KL: variants seen among roughly 807,000 people sequenced by gnomAD.
KL encodes klotho, also known as alpha-klotho.
In KL, 62 loss-of-function variants were observed where a neutral mutation model predicts 84.2. That is an observed-to-expected ratio of 0.74 (90% CI 0.60 to 0.91). The LOEUF is 0.91. KL is among the 40% of genes least tolerant of loss of function. The pLI is 0.00. For synonymous variants in KL, 528 were observed against 528.0 expected, an observed-to-expected ratio of 1.00 and a Z score of 0.00; for missense variants, 1,261 against 1,305.7, an observed-to-expected ratio of 0.97 and a Z score of 0.53.
chr13:33,026,318 A>G (rs1280931712), intron 1 of KL, among the ~76,000 whole-genome samples: 1 of 152,182 alleles, frequency 6.6e-6, no homozygotes, highest in Non-Finnish European at 1.5e-5. Context: ...TCAATTCTCC[A>G]AATTGGGGGC....
chr13:33,055,688 T>C (rs1310393904), intron 3 of KL, among the ~76,000 whole-genome samples: 1 of 152,196 alleles, frequency 6.6e-6, no homozygotes, highest in Non-Finnish European at 1.5e-5. Context: ...GTTTCAGTGG[T>C]GCTGCTGAGA....
chr13:33,016,580 G>T lies in KL; in HGVS notation c.140G>T (p.Arg47Leu), dbSNP rs201936594. ...DGAQTWARFS[R>L]PPAPEAAGLF... Reference sequence around the variant, plus strand: ...GCGCAGACCTGGGCCCGTTTCTCGCGGCCTCCTGCCCCCGAGGCCGCGGGC... The same window carrying T: ...GCGCAGACCTGGGCCCGTTTCTCGCTGCCTCCTGCCCCCGAGGCCGCGGGC... The change falls in exon 1 of 5, where the codon CGG becomes CTG. Residue 47 changes from arginine to leucine, a missense_variant. Coordinates refer to ENST00000380099, the MANE Select transcript of KL (RefSeq NM_004795.4). 6.7e-7 allele frequency: 1 copy of T among 1,483,646 alleles called. No individual in the cohort carries two copies. The highest frequency in any genetic ancestry group is 2.6e-5 in the East Asian group (1 of 38,462). The allele number at this position is 1,483,646 out of a possible 1,614,324, so 91.9% of individuals were successfully genotyped here.
At position 33,016,519 on chromosome 13, in the gene KL, G is replaced by C; in HGVS notation, c.79G>C (p.Gly27Arg). The change falls in exon 1 of 5, where the codon GGC (glycine) becomes CGC (arginine). Residue 27 changes from glycine to arginine, a missense_variant. Gly to Arg is a moderately radical substitution (Grantham distance 125, BLOSUM62 -2). Transcript: ENST00000380099. Reference protein sequence around the residue: ...LSLLLVLLGLGGRRLRAEPGD... With the variant: ...LSLLLVLLGLRGRRLRAEPGD... ...GCTGCTGCTGGTGCTGCTGGGCCTG[G>C]GCGGCCGCCGCCTGCGTGCGGAGCC... 7.5e-7 allele frequency: 1 copy of C among 1,330,690 alleles called. No homozygotes were observed. Among genetic ancestry groups the C allele is most frequent in the South Asian group, 2.0e-5 (1 of 49,774 alleles). 82.4% of individuals were successfully genotyped at this position (1,330,690 alleles called of 1,614,324 possible).
chr13:33,026,390 G>C (rs1308959593), intron 1 of KL, among the ~76,000 whole-genome samples: 1 of 151,906 alleles, frequency 6.6e-6, no homozygotes, highest in Non-Finnish European at 1.5e-5. Flanking sequence ...AGTAATTCCA[G>C]AAAATTTCCT....
In KL at chr13:33,064,152, A is replaced by G; in HGVS notation, c.3005A>G (p.Tyr1002Cys). 6.2e-7 allele frequency: 1 copy of G among 1,611,332 alleles called. No homozygotes were observed. Among genetic ancestry groups the G allele is most frequent in the South Asian group, 1.1e-5 (1 of 90,488 alleles). Residue 1002 changes from tyrosine (Y) to cysteine (C), a missense_variant, in exon 5 of 5, where the codon TAC (tyrosine) becomes TGC (cysteine). Transcript: ENST00000380099. ...ATTATTTCTCTCTCCCTTATATTTTACTACTCGAAGAAAGGCAGAAGAAGT... is the reference window on the plus strand; with the variant it reads ...ATTATTTCTCTCTCCCTTATATTTTGCTACTCGAAGAAAGGCAGAAGAAGT... ...ASIISLSLIFYYSKKGRRSYK is the reference protein window; with the variant it reads ...ASIISLSLIFCYSKKGRRSYK
chr13:33,053,858 A>G lies in KL; in HGVS notation c.911A>G (p.Asn304Ser), dbSNP rs745640577. Residue 304 changes from asparagine (N) to serine (S), a missense_variant, in exon 2 of 5, where the codon AAT becomes AGT. By Grantham distance (46) the Asn-to-Ser change is conservative (BLOSUM62 1). Coordinates refer to ENST00000380099, the MANE Select transcript of KL (RefSeq NM_004795.4). ...VSIALSSHWI[N>S]PRRMTDHSIK... ...ATTGCCCTAAGCTCTCACTGGATCA[A>G]TCCTCGAAGAATGACCGACCACAGC... is the stretch of plus-strand genomic sequence containing the variant. The G allele has an allele frequency of 1.1e-4, 184 of 1,614,204 alleles. No individual in the cohort carries two copies. In the East Asian group the frequency reaches 2.5e-3, roughly 22 times the overall value.
chr13:33,056,171 A>G (rs1349818301), intron 3 of KL, among the ~76,000 whole-genome samples: 3 of 152,194 alleles, frequency 2.0e-5, no homozygotes, highest in Non-Finnish European at 1.5e-5. Context: ...GGTAAGTAAC[A>G]AGGGCGGGGC....
intron 1 of KL, among the ~76,000 whole-genome samples, chr13:33,017,561 G>A (rs1870417463): frequency 6.6e-6 from 1 of 152,196 alleles, no homozygotes; most frequent in Admixed American, 6.5e-5. Context: ...AATTCCTAGA[G>A]GTGAGGGCGG....
At chr13:33,063,251 AG>A (rs1872277009) in intron 4 of KL, among the ~76,000 whole-genome samples, 1 of 151,284 alleles carries the variant, frequency 6.6e-6, no homozygotes, top group Non-Finnish European at 1.5e-5. Context: ...TCATGGAAAA[AG>A]GAAAAAAAAA....
At chr13:33,044,062 G>T (rs1387209659) in intron 1 of KL, among the ~76,000 whole-genome samples, 2 of 152,054 alleles carry the variant, frequency 1.3e-5, no homozygotes, top group Admixed American at 6.6e-5. Flanking sequence ...CACTTTTCCA[G>T]TTGTCAAGGA....
chr13:33,050,380 C>T (rs1180378877), intron 1 of KL, among the ~76,000 whole-genome samples: 1 of 152,214 alleles, frequency 6.6e-6, no homozygotes, highest in Non-Finnish European at 1.5e-5. Context: ...TTCCCACACT[C>T]TGCCTCATAA....
At chr13:33,025,996 A>G (rs572532379) in intron 1 of KL, among the ~76,000 whole-genome samples, 2 of 152,320 alleles carry the variant, frequency 1.3e-5, no homozygotes, top group African/African-American at 4.8e-5. Context: ...TGTTAAGGTA[A>G]TCCGTTAGAG....
rs562799774 is a variant in KL at position 33,064,733 on chromosome 13, G to A, written c.*547G>A. ...CTAGGCTGGAATGTTCCTTTCGAAA[G>A]CAATGCTTCTATCAAATACTAGTAT... On this transcript the variant is annotated 3_prime_UTR_variant, in exon 5 of 5. Coordinates refer to ENST00000380099, the MANE Select transcript of KL (RefSeq NM_004795.4). 26 of 224,304 alleles carry A rather than the reference G, an allele frequency of 1.2e-4. No individual in the cohort carries two copies. The highest frequency in any genetic ancestry group is 1.4e-3 in the Middle Eastern group (1 of 718). 13.9% of individuals were successfully genotyped at this position (224,304 alleles called of 1,614,324 possible).
At position 33,024,585 on chromosome 13, in the gene KL, A is replaced by C. The variant is rs568835390; in HGVS notation, c.819+7326A>C. Reference sequence around the variant, plus strand: ...TGTAGGGCTCTTTTCGTGAGGGTCCAGAGGACGGCTGCAAAGCTGCAGGGG... The same window carrying C: ...TGTAGGGCTCTTTTCGTGAGGGTCCCGAGGACGGCTGCAAAGCTGCAGGGG... On this transcript the variant is annotated intron_variant, in intron 1 of 4. Transcript: ENST00000380099. Among the ~76,000 whole-genome samples, 4 of 152,318 alleles carry C rather than the reference A, an allele frequency of 2.6e-5. No individual in the cohort carries two copies. In the East Asian group the frequency reaches 7.7e-4, roughly 29 times the overall value.
At chr13:33,022,551 GA>G (rs1223344084) in intron 1 of KL, among the ~76,000 whole-genome samples, 1 of 152,194 alleles carries the variant, frequency 6.6e-6, no homozygotes, top group East Asian at 1.9e-4. Flanking sequence ...CAGATAAGCA[GA>G]ATGTGACTTT....
Position 33,017,166 on chromosome 13 carries a change from G to A in KL, c.726G>A (p.Val242=). 1 of 1,600,826 alleles carries A rather than the reference G, an allele frequency of 6.2e-7. No individual in the cohort carries two copies. Among genetic ancestry groups the A allele is most frequent in the Non-Finnish European group, 8.5e-7 (1 of 1,179,748 alleles). The change falls in exon 1 of 5, where the codon GTG becomes GTA. Residue 242 remains valine (V), a synonymous_variant. Coordinates refer to ENST00000380099, the MANE Select transcript of KL (RefSeq NM_004795.4). ...GGATCACCATCGACAACCCCTACGT[G>A]GTGGCCTGGCACGGCTACGCCACCG... ...KYWITIDNPY[V]VAWHGYATGR...
At chr13:33,028,383 CA>C (rs1555333650) in intron 1 of KL, among the ~76,000 whole-genome samples, 1 of 152,130 alleles carries the variant, frequency 6.6e-6, no homozygotes, top group Non-Finnish European at 1.5e-5. Context: ...TCATGAGAGT[CA>C]AAGTCCCAAA....
Position 33,065,641 on chromosome 13 carries a change from A to G in KL, c.*1455A>G, listed in dbSNP as rs77174048. ...TTTGGTAATATTCATTTTAAAGTGG[A>G]CTTATTAAAATTGGATGCTAGAGAA... is the stretch of plus-strand genomic sequence containing the variant. On this transcript the variant is annotated 3_prime_UTR_variant, in exon 5 of 5. Coordinates refer to ENST00000380099, the MANE Select transcript of KL (RefSeq NM_004795.4). The G allele has an allele frequency of 0.01, 1,852 of 179,490 alleles. 39 individuals carry two copies. The highest frequency in any genetic ancestry group is 0.04 in the African/African-American group (1,693 of 42,432). 11.1% of individuals were successfully genotyped at this position (179,490 alleles called of 1,614,324 possible).
At chr13:33,036,474 G>A (rs1871150683) in intron 1 of KL, among the ~76,000 whole-genome samples, 1 of 151,552 alleles carries the variant, frequency 6.6e-6, no homozygotes, top group Non-Finnish European at 1.5e-5. Flanking sequence ...GGTCAGTTTG[G>A]CTTTTATCAT....
Sources: allele counts gnomAD v4.1 joint callset (sites outside exome capture counted in the v4.1 genomes callset), GRCh38; gene constraint gnomAD v4.1.1; transcripts MANE v1.5; gene names NCBI Gene and HGNC (gene_info 2026-07-23, HGNC 2026-07-21).